The following KCNQ5 variants were observed in gnomAD, a reference collection of about 807,000 sequenced individuals.
The protein encoded by KCNQ5 is potassium voltage-gated channel subfamily KQT member 5.
A neutral mutation model predicts 98.2 loss-of-function variants in KCNQ5; 30 were observed. That is an observed-to-expected ratio of 0.31 (90% CI 0.23 to 0.41). KCNQ5 has a LOEUF of 0.41. Among genes scored for constraint, KCNQ5 ranks in the 10% least tolerant of loss-of-function variants. The probability of loss-of-function intolerance (pLI) is 1.00; values close to 1 mark genes in which losing one functional copy is unlikely to be tolerated. For missense variants in KCNQ5, 835 were observed against 1,182.5 expected, an observed-to-expected ratio of 0.71 and a Z score of 4.31; for synonymous variants, 458 against 449.4, an observed-to-expected ratio of 1.02 and a Z score of -0.24.
At chr6:73,045,972 G>A (rs1425461765) in intron 3 of KCNQ5, among the ~76,000 whole-genome samples, 1 of 151,982 alleles carries the variant, frequency 6.6e-6, no homozygotes, top group East Asian at 1.9e-4. Context: ...ATTTCCACAA[G>A]AGGACAAAAG....
chr6:73,087,244 G>C (rs1385945908), intron 5 of KCNQ5, among the ~76,000 whole-genome samples: 2 of 152,296 alleles, frequency 1.3e-5, no homozygotes, highest in African/African-American at 2.4e-5. Context: ...CAGAGAAAAG[G>C]GGGTGAATTT....
At chr6:73,046,073 A>G (rs985607829) in intron 3 of KCNQ5, among the ~76,000 whole-genome samples, 7 of 152,116 alleles carry the variant, frequency 4.6e-5, no homozygotes, top group African/African-American at 1.7e-4. Flanking sequence ...GACTACTCTA[A>G]TATATCTATG....
At chr6:73,178,959 G>T (rs184943974) in intron 11 of KCNQ5, among the ~76,000 whole-genome samples, 1 of 152,260 alleles carries the variant, frequency 6.6e-6, no homozygotes, top group East Asian at 1.9e-4. Flanking sequence ...CTAGTTGTCT[G>T]CTGGATTTGT....
At chr6:72,847,376 G>A (rs932903687) in intron 1 of KCNQ5, among the ~76,000 whole-genome samples, 2 of 152,232 alleles carry the variant, frequency 1.3e-5, no homozygotes, top group Admixed American at 1.3e-4. Flanking sequence ...GTTCAGGCTG[G>A]TCTCGAACTC....
At chr6:72,981,100 G>T (rs947925687) in intron 1 of KCNQ5, among the ~76,000 whole-genome samples, 2 of 152,158 alleles carry the variant, frequency 1.3e-5, no homozygotes, top group Admixed American at 1.3e-4. Flanking sequence ...TATTCCTCGG[G>T]ATATTGGTCT....
At chr6:72,676,124 A>G (rs1201624326) in intron 1 of KCNQ5, among the ~76,000 whole-genome samples, 3 of 152,138 alleles carry the variant, frequency 2.0e-5, no homozygotes, top group Non-Finnish European at 4.4e-5. Flanking sequence ...AATGGGAGGT[A>G]ACTAACCTGA....
intron 2 of KCNQ5, among the ~76,000 whole-genome samples, chr6:73,011,798 G>T (rs996737443): frequency 1.3e-5 from 2 of 151,844 alleles, no homozygotes; most frequent in African/African-American, 2.4e-5. Flanking sequence ...TTCAAAAAAT[G>T]AGCAAAGGAC....
At chr6:73,090,768 T>A (rs1774212835) in intron 5 of KCNQ5, among the ~76,000 whole-genome samples, 1 of 152,188 alleles carries the variant, frequency 6.6e-6, no homozygotes, top group Admixed American at 6.5e-5. Context: ...AAAACCACAA[T>A]GAGATACCAT....
At chr6:73,022,715 G>A (rs1345453313) in intron 2 of KCNQ5, among the ~76,000 whole-genome samples, 2 of 152,174 alleles carry the variant, frequency 1.3e-5, no homozygotes, top group African/African-American at 4.8e-5. Context: ...GAGGACCTAA[G>A]TAAGTAGAAT....
At chr6:73,024,063 A>G (rs934776272) in intron 2 of KCNQ5, among the ~76,000 whole-genome samples, 3 of 152,182 alleles carry the variant, frequency 2.0e-5, no homozygotes, top group East Asian at 1.9e-4. Flanking sequence ...CTTTCCAATA[A>G]TTACTGGGCC....
At chr6:72,824,671 A>T (rs1775906965) in intron 1 of KCNQ5, among the ~76,000 whole-genome samples, 1 of 152,022 alleles carries the variant, frequency 6.6e-6, no homozygotes, top group Admixed American at 6.6e-5. Context: ...AGCAATGGAG[A>T]TTTGATAGGG....
At chr6:72,788,025 G>A (rs995397172) in intron 1 of KCNQ5, among the ~76,000 whole-genome samples, 7 of 152,136 alleles carry the variant, frequency 4.6e-5, no homozygotes, top group Non-Finnish European at 5.9e-5. Flanking sequence ...CATTCCAATT[G>A]CTGCTTTTCT....
rs34821312 is a variant in KCNQ5, at chr6:72,622,393, C to T, written c.204C>T (p.Leu68=). Residue 68 remains leucine (L), a synonymous_variant, in exon 1 of 14, where the codon CTC becomes CTT. Coordinates refer to ENST00000370398, the MANE Select transcript of KCNQ5 (RefSeq NM_019842.4). The surrounding 1 kb of genome is among the most constrained non-coding windows in gnomAD (Gnocchi z 6.0). ...LLLLGTRAAT[L]GGGGGGLRES... is the part of the protein sequence containing the mutation. ...TGCTGGGCACCCGCGCGGCCACGCTCGGTGGCGGCGGCGGTGGCCTGAGGG... is the reference window on the plus strand; with the variant it reads ...TGCTGGGCACCCGCGCGGCCACGCTTGGTGGCGGCGGCGGTGGCCTGAGGG... 321,918 of 1,484,034 alleles carry T rather than the reference C, an allele frequency of 0.22. 37,164 individuals are homozygous for T. The highest frequency in any genetic ancestry group is 0.25 in the Middle Eastern group (1,338 of 5,254). The allele number at this position is 1,484,034 out of a possible 1,614,324, so 91.9% of individuals were successfully genotyped here.
intron 1 of KCNQ5, among the ~76,000 whole-genome samples, chr6:72,674,088 CTTA>C (rs1399670273): frequency 6.6e-6 from 1 of 152,086 alleles, no homozygotes; most frequent in Admixed American, 6.5e-5. Context: ...GCCTTAAAGA[CTTA>C]AAAATTGAGA....
intron 1 of KCNQ5, among the ~76,000 whole-genome samples, chr6:72,837,089 C>CA (rs1295304230): frequency 6.6e-6 from 1 of 152,184 alleles, no homozygotes; most frequent in Non-Finnish European, 1.5e-5. Context: ...TATAAACCTT[C>CA]AAATGAACCA....
At chr6:72,813,097 G>T (rs894813720) in intron 1 of KCNQ5, among the ~76,000 whole-genome samples, 32 of 152,026 alleles carry the variant, frequency 2.1e-4, no homozygotes, top group African/African-American at 7.2e-4. Flanking sequence ...TAGAAATGCT[G>T]TTTATTCACT....
chr6:72,782,514 T>C (rs1003122813), intron 1 of KCNQ5, among the ~76,000 whole-genome samples: 1 of 152,206 alleles, frequency 6.6e-6, no homozygotes, highest in African/African-American at 2.4e-5. Flanking sequence ...AATTCCTTCC[T>C]GAAAAGTGTT....
chr6:72,806,212 G>A (rs1039301623), intron 1 of KCNQ5, among the ~76,000 whole-genome samples: 1 of 152,090 alleles, frequency 6.6e-6, no homozygotes, highest in Admixed American at 6.6e-5. Flanking sequence ...TCACCATACA[G>A]CATTAATTTC....
intron 5 of KCNQ5, among the ~76,000 whole-genome samples, chr6:73,091,546 T>C (rs1005471841): frequency 6.6e-6 from 1 of 152,148 alleles, no homozygotes; most frequent in African/African-American, 2.4e-5. Context: ...TTTATGTTTT[T>C]GTTTGCTTTG....
Sources: gnomAD v4.1 joint callset for allele counts (sites outside exome capture counted in the v4.1 genomes callset) on GRCh38, gnomAD v4.1.1 for gene constraint, Gnocchi (gnomAD v3.1) non-coding constraint, MANE v1.5 for transcripts, NCBI Gene and HGNC (gene_info 2026-07-23, HGNC 2026-07-21) for gene names.